The following SLC19A1 variants were observed in gnomAD, a reference collection of about 807,000 sequenced individuals.
SLC19A1 encodes the protein solute carrier family 19 member 1, also known as reduced folate transporter.
Under a neutral mutation model 35.3 loss-of-function variants are expected in SLC19A1, and 37 were observed. The ratio of observed to expected loss-of-function variants is 1.05; its 90% CI spans 0.81 to 1.38. The LOEUF is 1.38. Ranked by LOEUF, SLC19A1 falls within the 40% of genes most tolerant of loss-of-function variation. SLC19A1 has a pLI of 0.00. For missense variants in SLC19A1, 831 were observed against 826.9 expected (o/e 1.00, Z -0.06); for synonymous variants, 460 against 398.5 (o/e 1.15, Z -1.84).
Position 45,515,196 on chromosome 21 carries a change from G to A in SLC19A1, c.*462C>T. ...AAAAAAGCATCTTTCAAAAAAGCAA[G>A]AGCACCAAGGATGACCAGCAATGTC... On this transcript the variant is annotated 3_prime_UTR_variant, in exon 6 of 6. Coordinates refer to ENST00000311124, the MANE Select transcript of SLC19A1 (RefSeq NM_194255.4). 1 of 1,519,888 alleles carries A rather than the reference G, an allele frequency of 6.6e-7. No individual in the cohort carries two copies. 94.2% of individuals were successfully genotyped at this position (1,519,888 alleles called of 1,614,324 possible).
At position 45,505,372 on chromosome 21, in the gene SLC19A1, G is replaced by A. The variant is rs1057518766; in HGVS notation, c.498-6760C>T. On this transcript the variant is annotated intron_variant, in intron 3 of 4. Transcript: ENST00000417954. ...CTCTCCTGCAGCTATCAGCGTTCCC[G>A]GCCCTCCGGGCCCCCCTGGGCCCCC... 34 of 1,593,514 alleles carry A rather than the reference G, an allele frequency of 2.1e-5. No individual in the cohort carries two copies. Among genetic ancestry groups the A allele is most frequent in the African/African-American group, 2.7e-5 (2 of 74,540 alleles).
At position 45,558,049 on chromosome 21, in the gene SLC19A1, T is replaced by G. The variant is rs547392238; in HGVS notation, c.-50+4693A>C. Reference sequence around the variant, plus strand: ...GAGTCATGCCATCCAAGGCAGTCTGTGCCGAGTGGCTCCATATTCAGACAG... The same window carrying G: ...GAGTCATGCCATCCAAGGCAGTCTGGGCCGAGTGGCTCCATATTCAGACAG... On this transcript the variant is annotated intron_variant, in intron 1 of 5. Transcript: ENST00000650808. Among the ~76,000 whole-genome samples the G allele has an allele frequency of 3.3e-5, 5 of 152,376 alleles. No homozygotes were observed. In the East Asian group the frequency reaches 9.6e-4, roughly 29 times the overall value.
intron 1 of SLC19A1, among the ~76,000 whole-genome samples, chr21:45,551,957 C>T (rs754038799): frequency 3.3e-5 from 5 of 152,128 alleles, no homozygotes; most frequent in East Asian, 1.9e-4. Context: ...ACACCGCCTG[C>T]GTGTTCTGCC....
chr21:45,505,509 C>G, intron 3 of SLC19A1: 1 of 800,706 alleles, frequency 1.2e-6, no homozygotes, highest in Admixed American at 2.0e-5. Flanking sequence ...CTCAGAGACA[C>G]TCTCCCACGG....
rs1046923474 is a variant in SLC19A1 at position 45,540,077 on chromosome 21, G to A, written c.-49-2069C>T. Among the ~76,000 whole-genome samples the A allele has an allele frequency of 6.6e-6, 1 of 152,142 alleles. No individual in the cohort carries two copies. The highest frequency in any genetic ancestry group is 1.5e-5 in the Non-Finnish European group (1 of 68,012). The stretch of plus-strand genomic sequence containing the variant: ...GCCTCACCTTCCATGCCTCCTCAGG[G>A]CCTGTCAACAGCTGGGAAGATCAGT... On this transcript the variant is annotated intron_variant, in intron 1 of 5. Coordinates refer to ENST00000311124, the MANE Select transcript of SLC19A1 (RefSeq NM_194255.4). This position sits in a 1 kb window ranked among gnomAD's most constrained non-coding sequence, Gnocchi z 5.5.
chr21:45,505,702 G>A, intron 3 of SLC19A1: 1 of 753,520 alleles, frequency 1.3e-6, no homozygotes, highest in Non-Finnish European at 2.2e-6. Context: ...GTGCTCATGG[G>A]GGCAGCCGCC....
At chr21:45,542,986 C>A (rs1407254619), upstream of SLC19A1, among the ~76,000 whole-genome samples, 1 of 151,796 alleles carries the variant, frequency 6.6e-6, no homozygotes, top group Admixed American at 6.5e-5. Context: ...TCTTGGGGAC[C>A]GCACGGCCCC....
upstream of SLC19A1, chr21:45,544,443 G>C (rs2078391989): frequency 6.4e-6 from 1 of 156,602 alleles, no homozygotes; most frequent in Non-Finnish European, 1.4e-5. Context: ...GGCTTCCAGA[G>C]GGCTCCACCC....
At position 45,540,993 on chromosome 21, in the gene SLC19A1, G is replaced by A. The variant is rs529380110; in HGVS notation, c.-50+1375C>T. The stretch of plus-strand genomic sequence containing the variant: ...TCTGGAAGGCTAACCAAGAATGTTC[G>A]TTATGTTTTTTAGAACGCCTGCTAG... On this transcript the variant is annotated intron_variant, in intron 1 of 5. Coordinates refer to ENST00000311124, the MANE Select transcript of SLC19A1 (RefSeq NM_194255.4). The surrounding 1 kb of genome is among the most constrained non-coding windows in gnomAD (Gnocchi z 5.5). Among the ~76,000 whole-genome samples, 370 of 151,444 alleles carry A rather than the reference G, an allele frequency of 2.4e-3. 3 individuals are homozygous for A. Among genetic ancestry groups the A allele is most frequent in the African/African-American group, 8.7e-3 (360 of 41,224 alleles).
At chr21:45,547,836 A>C (rs549121657), upstream of SLC19A1, among the ~76,000 whole-genome samples, 29 of 152,322 alleles carry the variant, frequency 1.9e-4, no homozygotes, top group East Asian at 2.9e-3. Flanking sequence ...GCTCAGCATA[A>C]ATCTCTTCAT....
At chr21:45,504,723 TG>T (rs2037086475) in intron 3 of SLC19A1, among the ~76,000 whole-genome samples, 1 of 151,932 alleles carries the variant, frequency 6.6e-6, no homozygotes, top group Non-Finnish European at 1.5e-5. Context: ...GCAGGCCACA[TG>T]GGTGTGGGTG....
chr21:45,506,176 A>G, intron 3 of SLC19A1: 3 of 674,872 alleles, frequency 4.4e-6, no homozygotes, highest in East Asian at 2.9e-5. Context: ...AGCTTCTGAA[A>G]GTGGATGAAC....
At position 45,514,941 on chromosome 21, in the gene SLC19A1, T is replaced by C; in HGVS notation, c.*717A>G. The C allele has an allele frequency of 7.0e-7, 1 of 1,436,078 alleles. No individual in the cohort carries two copies. The highest frequency in any genetic ancestry group is 9.2e-7 in the Non-Finnish European group (1 of 1,084,954). The allele number at this position is 1,436,078 out of a possible 1,614,324, so 89.0% of individuals were successfully genotyped here. A position where few individuals can be genotyped will look rare whatever the true frequency, so the allele number is the denominator to read the frequency against. ...TGACCGGGACCAGTCCCCTCCGGGCTGGCACAAGTGTGGGAGCAGCTGAGG... is the reference window on the plus strand; with the variant it reads ...TGACCGGGACCAGTCCCCTCCGGGCCGGCACAAGTGTGGGAGCAGCTGAGG... On this transcript the variant is annotated 3_prime_UTR_variant, in exon 6 of 6. Coordinates refer to ENST00000311124, the MANE Select transcript of SLC19A1 (RefSeq NM_194255.4).
At chr21:45,527,296 C>CG (rs1345449091) in intron 4 of SLC19A1, among the ~76,000 whole-genome samples, 8 of 140,450 alleles carry the variant, frequency 5.7e-5, no homozygotes, top group South Asian at 2.3e-4. Flanking sequence ...TGGGTATGCC[C>CG]GGGCAGGCCC....
At position 45,516,120 on chromosome 21, in the gene SLC19A1, G is replaced by A. The variant is rs1602693076; in HGVS notation, c.1314C>T (p.Tyr438=). The change falls in exon 6 of 6, where the codon TAC becomes TAT. Residue 438 remains tyrosine, a synonymous_variant. Coordinates refer to ENST00000311124, the MANE Select transcript of SLC19A1 (RefSeq NM_194255.4). ...VRKQFQLYSV[Y]FLILSIIYFL... is the part of the protein sequence containing the mutation. ...AGTAGATGATGGACAGGATCAGGAA[G>A]TACACGGAGTATAACTGGAACTGGA... 1 of 1,608,346 alleles carries A rather than the reference G, an allele frequency of 6.2e-7. No individual in the cohort carries two copies. The highest frequency in any genetic ancestry group is 1.3e-5 in the African/African-American group (1 of 75,024).
At chr21:45,535,661 T>C (rs1478299683) in intron 2 of SLC19A1, among the ~76,000 whole-genome samples, 1 of 152,086 alleles carries the variant, frequency 6.6e-6, no homozygotes, top group Non-Finnish European at 1.5e-5. Context: ...CCGGGCCAGC[T>C]GGGTCAAGGC....
rs963932735 is a variant in SLC19A1 at position 45,542,387 on chromosome 21, C to G, written c.-69G>C. 1 of 151,586 alleles carries G rather than the reference C, an allele frequency of 6.6e-6. No homozygotes were observed. The highest frequency in any genetic ancestry group is 1.5e-5 in the Non-Finnish European group (1 of 67,844). 9.4% of individuals were successfully genotyped at this position (151,586 alleles called of 1,614,324 possible). On this transcript the variant is annotated 5_prime_UTR_variant, in exon 1 of 6. Coordinates refer to ENST00000311124, the MANE Select transcript of SLC19A1 (RefSeq NM_194255.4). ...CGGTACCTGCGACTCGGCGGGGCGG[C>G]TGCCCTGGGGCTCCCGGACCCGGCC...
downstream of SLC19A1, among the ~76,000 whole-genome samples, chr21:45,508,487 G>C (rs930578073): frequency 1.3e-5 from 2 of 150,274 alleles, no homozygotes; most frequent in African/African-American, 2.5e-5. Context: ...GAGTGGATGG[G>C]TGGGTGGATG....
At chr21:45,550,686 G>A (rs370693424) in intron 1 of SLC19A1, among the ~76,000 whole-genome samples, 4 of 152,172 alleles carry the variant, frequency 2.6e-5, no homozygotes, top group Non-Finnish European at 4.4e-5. Context: ...AGATTTCGTC[G>A]TCTTCTTCTG....
Sources: allele counts gnomAD v4.1 joint callset (sites outside exome capture counted in the v4.1 genomes callset), GRCh38; gene constraint gnomAD v4.1.1; non-coding constraint Gnocchi (gnomAD v3.1); transcripts MANE v1.5; gene names NCBI Gene and HGNC (gene_info 2026-07-23, HGNC 2026-07-21).